The following ZNF717 variants were observed in gnomAD, a reference collection of about 807,000 sequenced individuals.
ZNF717 encodes krueppel-like factor X17.
ZNF717 carries 9 observed loss-of-function variants against 13.8 expected under a neutral mutation model. The observed-to-expected ratio is 0.65, with a 90% CI of 0.39 to 1.14. The LOEUF is 1.14. Among genes scored for constraint, ZNF717 ranks in the 50% most tolerant of loss-of-function variants. The pLI, the probability that ZNF717 is intolerant of heterozygous loss-of-function variation, is 0.01. For missense variants in ZNF717, 1,040 were observed against 1,080.7 expected, an observed-to-expected ratio of 0.96 and a Z score of 0.53; for synonymous variants, 327 against 364.1, an observed-to-expected ratio of 0.90 and a Z score of 1.16.
chr3:75,701,252 C>T (rs1284450185), intron 6 of ZNF717, among the ~76,000 whole-genome samples: 3 of 152,300 alleles, frequency 2.0e-5, no homozygotes, highest in Non-Finnish European at 2.9e-5. Context: ...CTTTGCTTCA[C>T]ATACATGCTC....
At chr3:75,709,690 T>C (rs1385116515) in exon 6 of ZNF717, 4 of 152,352 alleles carry the variant, frequency 2.6e-5, no homozygotes, top group African/African-American at 9.6e-5. Flanking sequence ...TTTTGTAGAA[T>C]CTTTTTCATC....
At chr3:75,779,818 G>C (rs572523565) in intron 2 of ZNF717, among the ~76,000 whole-genome samples, 11 of 147,604 alleles carry the variant, frequency 7.5e-5, no homozygotes, top group African/African-American at 2.3e-4. Flanking sequence ...TGGGAGTGTC[G>C]TGCTAAACCA....
At chr3:75,721,407 G>A (rs1938162880) in intron 4 of ZNF717, among the ~76,000 whole-genome samples, 1 of 152,160 alleles carries the variant, frequency 6.6e-6, no homozygotes, top group African/African-American at 2.4e-5. Flanking sequence ...TCAGTGTCCT[G>A]AGTAGCTGGG....
chr3:75,749,615 A>G (rs1341475033), intron 2 of ZNF717, among the ~76,000 whole-genome samples: 2 of 152,024 alleles, frequency 1.3e-5, no homozygotes, highest in Non-Finnish European at 2.9e-5. Flanking sequence ...GGATTCCAGA[A>G]CATTCCTGCT....
downstream of ZNF717, among the ~76,000 whole-genome samples, chr3:75,707,761 C>T (rs1366882595): frequency 6.6e-6 from 1 of 151,920 alleles, no homozygotes; most frequent in African/African-American, 2.4e-5. Context: ...TAATACTGCG[C>T]TTTTCCAATG....
chr3:75,721,549 G>A (rs1938166808), intron 4 of ZNF717, among the ~76,000 whole-genome samples: 2 of 152,196 alleles, frequency 1.3e-5, no homozygotes, highest in African/African-American at 4.8e-5. Context: ...CCAAAGTGCT[G>A]GGATTACAGG....
rs1939153561 is a variant in ZNF717 at position 75,736,052 on chromosome 3, T to C, written c.*826A>G. The C allele has an allele frequency of 6.6e-6, 1 of 152,212 alleles. No homozygotes were observed. Among genetic ancestry groups the C allele is most frequent in the East Asian group, 1.9e-4 (1 of 5,196 alleles). 9.4% of individuals were successfully genotyped at this position (152,212 alleles called of 1,614,324 possible). A position where few individuals can be genotyped will look rare whatever the true frequency, so the allele number is the denominator to read the frequency against. On this transcript the variant is annotated 3_prime_UTR_variant, in exon 5 of 5. Transcript: ENST00000652011. ...TCAAAGATTTTAGTTATCACATCTGTTATGATCTGTGATCAGTGATTTCTG... is the reference window on the plus strand; with the variant it reads ...TCAAAGATTTTAGTTATCACATCTGCTATGATCTGTGATCAGTGATTTCTG...
intron 4 of ZNF717, among the ~76,000 whole-genome samples, chr3:75,723,386 T>G (rs1356704914): frequency 6.6e-6 from 1 of 151,558 alleles, no homozygotes; most frequent in Non-Finnish European, 1.5e-5. Context: ...AGTAATAGAC[T>G]GTGGGCAGCA....
intron 4 of ZNF717, 43 bp from the exon 5 acceptor site, chr3:75,739,388 G>A (rs1362029066): frequency 7.2e-7 from 1 of 1,388,066 alleles, no homozygotes; most frequent in Admixed American, 3.1e-5. Context: ...ACATGAGCAT[G>A]TCTTACAGAA....
At chr3:75,753,241 C>A (rs1942082605) in intron 2 of ZNF717, among the ~76,000 whole-genome samples, 1 of 151,922 alleles carries the variant, frequency 6.6e-6, no homozygotes, top group African/African-American at 2.4e-5. Flanking sequence ...CAGAACACTG[C>A]TGCGAGGGTC....
At chr3:75,735,213 G>A (rs1173286345), downstream of ZNF717, among the ~76,000 whole-genome samples, 3 of 152,222 alleles carry the variant, frequency 2.0e-5, no homozygotes, top group Non-Finnish European at 4.4e-5. Context: ...AGGAATATGA[G>A]AGAAACTGGT....
In ZNF717 at chr3:75,779,505, G is replaced by C. The variant is rs143135600; in HGVS notation, c.57+3801C>G. 8.9e-3 allele frequency among the ~76,000 whole-genome samples: 1,336 copies of C among 150,708 alleles called. 9 individuals are homozygous for C. The highest frequency in any genetic ancestry group is 0.013 in the Non-Finnish European group (909 of 67,796). ...AGAAACCCAAAACAATGGGAGTGAC[G>C]TGCAAAAACCAGAACCCAAAACAAT... is the stretch of plus-strand genomic sequence containing the variant. On this transcript the variant is annotated intron_variant, in intron 2 of 4. Coordinates refer to ENST00000652011, the MANE Select transcript of ZNF717 (RefSeq NM_001290208.3).
At chr3:75,759,171 A>C (rs1480416379) in intron 2 of ZNF717, among the ~76,000 whole-genome samples, 4 of 151,858 alleles carry the variant, frequency 2.6e-5, no homozygotes, top group African/African-American at 9.7e-5. Flanking sequence ...ACTTTATTGC[A>C]GTGGTCTGGA....
chr3:75,728,248 A>T (rs1371421169), downstream of ZNF717, among the ~76,000 whole-genome samples: 2 of 152,254 alleles, frequency 1.3e-5, no homozygotes, highest in Non-Finnish European at 2.9e-5. Flanking sequence ...TGTACTTTAT[A>T]TCATCTCTGG....
At chr3:75,754,277 T>C (rs78950080) in intron 2 of ZNF717, among the ~76,000 whole-genome samples, 1 of 136,136 alleles carries the variant, frequency 7.3e-6, no homozygotes, top group Non-Finnish European at 1.7e-5. Flanking sequence ...TGAAGCTATA[T>C]TAACAGCAGT....
intron 2 of ZNF717, among the ~76,000 whole-genome samples, chr3:75,763,646 G>C (rs59288254): frequency 0.088 from 13,429 of 151,996 alleles, 515 homozygotes; most frequent in African/African-American, 0.19. Context: ...GCCAACCCAG[G>C]ATTAGGCCCT....
At chr3:75,729,378 G>A (rs1357382069), downstream of ZNF717, among the ~76,000 whole-genome samples, 9 of 152,370 alleles carry the variant, frequency 5.9e-5, no homozygotes, top group African/African-American at 2.2e-4. Context: ...CACTCTAAGA[G>A]GCTGAGGTGG....
intron 6 of ZNF717, among the ~76,000 whole-genome samples, chr3:75,699,724 T>C (rs1247733168): frequency 2.6e-5 from 4 of 152,410 alleles, no homozygotes; most frequent in African/African-American, 9.6e-5. Context: ...CAGTCACTGA[T>C]TATTTTTTAT....
chr3:75,735,476 C>T (rs1939047934), downstream of ZNF717, among the ~76,000 whole-genome samples: 1 of 20,476 alleles, frequency 4.9e-5, no homozygotes, highest in Non-Finnish European at 1.0e-4. Flanking sequence ...AAAGAAAAGG[C>T]CAGGTATTGT....
Sources: gnomAD v4.1 joint callset for allele counts (sites outside exome capture counted in the v4.1 genomes callset) on GRCh38, gnomAD v4.1.1 for gene constraint, MANE v1.5 for transcripts, NCBI Gene and HGNC (gene_info 2026-07-23, HGNC 2026-07-21) for gene names.